CD109: variants seen among roughly 807,000 people sequenced by gnomAD.
CD109 encodes CD109 antigen.
A neutral mutation model predicts 165.8 loss-of-function variants in CD109; 149 were observed. The ratio of observed to expected loss-of-function variants is 0.90; its 90% CI spans 0.79 to 1.03. The LOEUF is 1.03. Ranked by LOEUF, CD109 falls within the 50% of genes least tolerant of loss-of-function variation. The pLI, the probability that CD109 is intolerant of heterozygous loss-of-function variation, is 0.00. For missense variants in CD109, 1,712 were observed against 1,677.8 expected, an observed-to-expected ratio of 1.02 and a Z score of -0.36; for synonymous variants, 585 against 592.1, an observed-to-expected ratio of 0.99 and a Z score of 0.18.
chr6:73,794,188 G>A (rs1775073156), intron 23 of CD109, among the ~76,000 whole-genome samples: 1 of 152,150 alleles, frequency 6.6e-6, no homozygotes, highest in Non-Finnish European at 1.5e-5. Context: ...AGGAGCAGGT[G>A]TCCTATTATT....
rs1562070907 is a variant in CD109, at chr6:73,791,156, TATATATATATATATATATATAC to T, written c.2702-1468_2702-1447del. ...ACATACATATATATATATATATATA[TATATATATATATATATATATAC>T]ACACACACACATACATATATATATA... On this transcript the variant is annotated intron_variant, in intron 22 of 32. Coordinates refer to ENST00000287097, the MANE Select transcript of CD109 (RefSeq NM_133493.5). 4.3e-3 allele frequency among the ~76,000 whole-genome samples: 122 copies of T among 28,686 alleles called. 4 individuals are homozygous for T. Among genetic ancestry groups the T allele is most frequent in the African/African-American group, 0.015 (108 of 7,352 alleles). The allele number at this position is 28,686 out of a possible 152,430, so 18.8% of individuals were successfully genotyped here. A position where few individuals can be genotyped will look rare whatever the true frequency, so the allele number is the denominator to read the frequency against.
At chr6:73,789,056 G>A (rs1443460739) in intron 22 of CD109, among the ~76,000 whole-genome samples, 2 of 152,178 alleles carry the variant, frequency 1.3e-5, no homozygotes, top group African/African-American at 2.4e-5. Context: ...AAGGAGCTCT[G>A]TAAATACAGA....
At chr6:73,795,016 T>C (rs1265677030) in intron 23 of CD109, among the ~76,000 whole-genome samples, 2 of 151,234 alleles carry the variant, frequency 1.3e-5, no homozygotes, top group Non-Finnish European at 2.9e-5. Context: ...TCTTTACACA[T>C]TGGCATAATG....
chr6:73,763,133 C>T (rs1773698776), intron 9 of CD109, among the ~76,000 whole-genome samples: 1 of 152,098 alleles, frequency 6.6e-6, no homozygotes, highest in Non-Finnish European at 1.5e-5. Context: ...TCTACTCTTT[C>T]CCCCTGAAAA....
At chr6:73,731,171 T>G (rs1057037986) in intron 4 of CD109, among the ~76,000 whole-genome samples, 1 of 152,048 alleles carries the variant, frequency 6.6e-6, no homozygotes, top group Non-Finnish European at 1.5e-5. Flanking sequence ...CTCAGCCTCC[T>G]GAGTAGCTGG....
At chr6:73,682,414 T>C in the CD109 span, among the ~76,000 whole-genome samples, 1 of 152,224 alleles carries the variant, frequency 6.6e-6, no homozygotes, top group Non-Finnish European at 1.5e-5. Flanking sequence ...ATGTCTCACA[T>C]CCAGGTCATG....
the CD109 span, among the ~76,000 whole-genome samples, chr6:73,685,818 G>A: frequency 1.3e-5 from 2 of 152,196 alleles, no homozygotes; most frequent in African/African-American, 4.8e-5. Context: ...CCATTCCTGA[G>A]TTACATCAGG....
At chr6:73,724,613 AT>A (rs11386114) in intron 3 of CD109, among the ~76,000 whole-genome samples, 264 of 135,122 alleles carry the variant, frequency 2.0e-3, no homozygotes, top group South Asian at 1.9e-3. Context: ...ATTACCTTAA[AT>A]TTTTTTTTTT....
Position 73,792,541 on chromosome 6 carries a change from C to T in CD109, c.2702-85C>T. ...ATATTGCTTCAATGACAGAGGTCTT[C>T]TGTACTCAGTGGAAGTCTCTTTGCC... On this transcript the variant is annotated intron_variant, in intron 22 of 32. Coordinates refer to ENST00000287097, the MANE Select transcript of CD109 (RefSeq NM_133493.5). 2.6e-6 allele frequency: 3 copies of T among 1,151,070 alleles called. No individual in the cohort carries two copies. In the South Asian group the frequency reaches 3.9e-5, roughly 15 times the overall value. The allele number at this position is 1,151,070 out of a possible 1,614,324, so 71.3% of individuals were successfully genotyped here.
intron 2 of CD109, among the ~76,000 whole-genome samples, chr6:73,698,383 C>A (rs946743458): frequency 6.6e-6 from 1 of 151,894 alleles, no homozygotes; most frequent in East Asian, 1.9e-4. Context: ...CAAGCTCTCA[C>A]CATGTTGCCC....
chr6:73,738,419 A>T (rs747514911), intron 5 of CD109, among the ~76,000 whole-genome samples: 1 of 152,214 alleles, frequency 6.6e-6, no homozygotes, highest in Non-Finnish European at 1.5e-5. Flanking sequence ...GTCCATTCAG[A>T]TGCCACCTAT....
Position 73,780,404 on chromosome 6 carries a change from A to G in CD109, c.1828-20A>G, listed in dbSNP as rs1319175408. On this transcript the variant is annotated intron_variant, in intron 15 of 32. Transcript: ENST00000287097. ...GTTGTTATGAATCCATTCATTCCGTATATTTTATCTTCTCCTTAGGTGGTC... is the reference window on the plus strand; with the variant it reads ...GTTGTTATGAATCCATTCATTCCGTGTATTTTATCTTCTCCTTAGGTGGTC... The G allele has an allele frequency of 3.5e-6, 5 of 1,427,090 alleles. No individual in the cohort carries two copies. The highest frequency in any genetic ancestry group is 4.9e-6 in the Non-Finnish European group (5 of 1,011,110). The allele number at this position is 1,427,090 out of a possible 1,614,324, so 88.4% of individuals were successfully genotyped here. A position where few individuals can be genotyped will look rare whatever the true frequency, so the allele number is the denominator to read the frequency against.
chr6:73,781,453 T>C (rs1774495909), intron 17 of CD109, 134 bp downstream of exon 17: 1 of 732,082 alleles, frequency 1.4e-6, no homozygotes, highest in East Asian at 2.7e-5. Context: ...TCCCAAAATG[T>C]TTGGAGTTTA....
chr6:73,776,888 A>G lies in CD109; in HGVS notation c.1828-3536A>G, dbSNP rs190102443. 3.1e-3 allele frequency among the ~76,000 whole-genome samples: 459 copies of G among 150,372 alleles called. 1 individual carries two copies. The highest frequency in any genetic ancestry group is 0.01 in the African/African-American group (428 of 40,888). ...TATGGTTCTGATTTGCATTTCTCTA[A>G]TGATCAGTGATGTTGAGCTTTTTCT... On this transcript the variant is annotated intron_variant, in intron 15 of 32. Transcript: ENST00000287097.
At chr6:73,687,369 CTCT>C in the CD109 span, among the ~76,000 whole-genome samples, 1 of 151,248 alleles carries the variant, frequency 6.6e-6, no homozygotes, top group Non-Finnish European at 1.5e-5. Context: ...TCTTTCCTTC[CTCT>C]TTCTTTCTCT....
intron 32 of CD109, among the ~76,000 whole-genome samples, chr6:73,821,307 T>TA (rs1360135385): frequency 1.3e-5 from 2 of 151,748 alleles, no homozygotes; most frequent in Non-Finnish European, 1.5e-5. Flanking sequence ...TAAAGTATAA[T>TA]AAAAAAAATG....
the CD109 span, among the ~76,000 whole-genome samples, chr6:73,680,597 G>T: frequency 6.6e-6 from 1 of 152,178 alleles, no homozygotes; most frequent in South Asian, 2.1e-4. Context: ...CACGTAGCTG[G>T]CCAATCTTGC....
intron 32 of CD109, among the ~76,000 whole-genome samples, chr6:73,822,303 T>C (rs1202762066): frequency 6.6e-6 from 1 of 152,168 alleles, no homozygotes; most frequent in Non-Finnish European, 1.5e-5. Flanking sequence ...AGCATGAACA[T>C]TTTTGTGTGT....
chr6:73,727,271 CCA>C (rs1772175897), intron 3 of CD109, among the ~76,000 whole-genome samples: 1 of 152,148 alleles, frequency 6.6e-6, no homozygotes, highest in Admixed American at 6.5e-5. Flanking sequence ...GGAGCACCAC[CCA>C]GAGTACGTGG....
Sources: gnomAD v4.1 joint callset for allele counts (sites outside exome capture counted in the v4.1 genomes callset) on GRCh38, gnomAD v4.1.1 for gene constraint, MANE v1.5 for transcripts, NCBI Gene and HGNC (gene_info 2026-07-23, HGNC 2026-07-21) for gene names.